FGF10: variants seen among roughly 807,000 people sequenced by gnomAD.
FGF10 encodes fibroblast growth factor 10, also known as FGF-10.
A neutral mutation model predicts 19.8 loss-of-function variants in FGF10; 2 were observed. The observed-to-expected ratio is 0.10, with a 90% CI of 0.04 to 0.32. The LOEUF (loss-of-function observed/expected upper bound fraction) is 0.32. Ranked by LOEUF, FGF10 falls within the 10% of genes least tolerant of loss-of-function variation. FGF10 has a pLI of 1.00. For synonymous variants in FGF10, 112 were observed against 94.0 expected, an observed-to-expected ratio of 1.19 and a Z score of -1.10; for missense variants, 191 against 246.3, an observed-to-expected ratio of 0.78 and a Z score of 1.50.
intron 1 of FGF10, among the ~76,000 whole-genome samples, chr5:44,327,752 C>A (rs1005052548): frequency 1.3e-5 from 2 of 152,300 alleles, no homozygotes; most frequent in Admixed American, 1.3e-4. Flanking sequence ...GGGAGGAGCA[C>A]AAATTCTTTT....
intron 1 of FGF10, among the ~76,000 whole-genome samples, chr5:44,378,308 G>T (rs1271835730): frequency 6.6e-6 from 1 of 152,148 alleles, no homozygotes; most frequent in Non-Finnish European, 1.5e-5. Context: ...GAGCATTTTG[G>T]ATTTGAGAAT....
chr5:44,325,159 G>A (rs1168621047), intron 1 of FGF10, among the ~76,000 whole-genome samples: 1 of 152,176 alleles, frequency 6.6e-6, no homozygotes, highest in African/African-American at 2.4e-5. Flanking sequence ...GGCCATCAGA[G>A]AAATGCAAAT....
chr5:44,327,269 T>C (rs983681644), intron 1 of FGF10, among the ~76,000 whole-genome samples: 1 of 152,160 alleles, frequency 6.6e-6, no homozygotes, highest in Admixed American at 6.5e-5. Context: ...CTACGAAACA[T>C]AAGAAGGATT....
At position 44,302,282 on chromosome 5, in the gene FGF10, G is replaced by GCTTC. The variant is rs56194673; in HGVS notation, c.*2709_*2712dup. Among the ~76,000 whole-genome samples, 11,779 of 121,960 alleles carry GCTTC rather than the reference G, an allele frequency of 0.097. 656 individuals are homozygous for GCTTC. Among genetic ancestry groups the GCTTC allele is most frequent in the African/African-American group, 0.15 (4,634 of 31,062 alleles). The allele number at this position is 121,960 out of a possible 152,430, so 80.0% of individuals were successfully genotyped here. ...TCTTTCCTTCCTTCCTTCTTTCCTT[G>GCTTC]CTTCCTTCCTTCCTTCCTTCCTTCC... On this transcript the variant is annotated 3_prime_UTR_variant, in exon 3 of 3. Coordinates refer to ENST00000264664, the MANE Select transcript of FGF10 (RefSeq NM_004465.2).
chr5:44,367,255 A>G (rs532775417), intron 1 of FGF10, among the ~76,000 whole-genome samples: 14 of 152,130 alleles, frequency 9.2e-5, no homozygotes, highest in Non-Finnish European at 2.1e-4. Flanking sequence ...TCAAAATAAA[A>G]GTGGTCAGGA....
rs544582035 is a variant in FGF10, at chr5:44,379,246, A to T, written c.325+9112T>A. Among the ~76,000 whole-genome samples the T allele has an allele frequency of 2.0e-5, 3 of 152,330 alleles. No individual in the cohort carries two copies. In the East Asian group the frequency reaches 5.8e-4, roughly 29 times the overall value. ...TTAACGTTTTTGACATTATCTGTGG[A>T]GAGTGTAAGCTCTATGAGAGCAGAA... On this transcript the variant is annotated intron_variant, in intron 1 of 2. Transcript: ENST00000264664.
Position 44,302,014 on chromosome 5 carries a change from C to T in FGF10, c.*2981G>A, listed in dbSNP as rs1739974816. ...AATGGACACATATTTGTGGCTGATGCACTTTAACTTTGTGGGCCTGGGACC... is the reference window on the plus strand; with the variant it reads ...AATGGACACATATTTGTGGCTGATGTACTTTAACTTTGTGGGCCTGGGACC... On this transcript the variant is annotated 3_prime_UTR_variant, in exon 3 of 3. Coordinates refer to ENST00000264664, the MANE Select transcript of FGF10 (RefSeq NM_004465.2). Among the ~76,000 whole-genome samples, 1 of 151,830 alleles carries T rather than the reference C, an allele frequency of 6.6e-6. No homozygotes were observed. Among genetic ancestry groups the T allele is most frequent in the African/African-American group, 2.4e-5 (1 of 41,374 alleles).
At chr5:44,380,697 C>T (rs1262502458) in intron 1 of FGF10, among the ~76,000 whole-genome samples, 1 of 152,104 alleles carries the variant, frequency 6.6e-6, no homozygotes, top group African/African-American at 2.4e-5. Flanking sequence ...TATAAGTGTT[C>T]AGGCTGGGTA....
At chr5:44,339,009 C>A (rs564560944) in intron 1 of FGF10, among the ~76,000 whole-genome samples, 31 of 152,266 alleles carry the variant, frequency 2.0e-4, no homozygotes, top group Non-Finnish European at 3.5e-4. Context: ...ATTTCCTGTT[C>A]ATTTAAGACC....
chr5:44,385,799 T>C (rs1453578460), intron 1 of FGF10, among the ~76,000 whole-genome samples: 2 of 152,186 alleles, frequency 1.3e-5, no homozygotes, highest in Non-Finnish European at 2.9e-5. Context: ...TGATACCATG[T>C]AGTTCAGCTG....
intron 1 of FGF10, among the ~76,000 whole-genome samples, chr5:44,313,550 C>A (rs901792418): frequency 2.6e-5 from 4 of 150,996 alleles, no homozygotes; most frequent in Non-Finnish European, 5.9e-5. Flanking sequence ...AAGTTTATGA[C>A]TCTACAATTA....
chr5:44,377,926 G>A (rs550830154), intron 1 of FGF10, among the ~76,000 whole-genome samples: 23 of 152,298 alleles, frequency 1.5e-4, no homozygotes, highest in South Asian at 4.1e-4. Context: ...TATCTTAGCC[G>A]TTGATGTAGG....
chr5:44,368,832 AT>A (rs199528089), intron 1 of FGF10, among the ~76,000 whole-genome samples: 11 of 151,298 alleles, frequency 7.3e-5, no homozygotes, highest in East Asian at 2.0e-4. Context: ...TGATTGGCTA[AT>A]TTTTTTTTAT....
chr5:44,378,022 A>G (rs1209188745), intron 1 of FGF10, among the ~76,000 whole-genome samples: 2 of 152,178 alleles, frequency 1.3e-5, no homozygotes, highest in Non-Finnish European at 2.9e-5. Flanking sequence ...ACACTTATTC[A>G]TACATAAGTA....
At chr5:44,375,254 G>A (rs1741827822) in intron 1 of FGF10, among the ~76,000 whole-genome samples, 1 of 152,204 alleles carries the variant, frequency 6.6e-6, no homozygotes, top group South Asian at 2.1e-4. Flanking sequence ...GAGGAAACTA[G>A]ATGGGTAAAC....
At chr5:44,364,155 G>T (rs567068102) in intron 1 of FGF10, among the ~76,000 whole-genome samples, 1 of 151,812 alleles carries the variant, frequency 6.6e-6, no homozygotes, top group Non-Finnish European at 1.5e-5. Context: ...AAAAGAAATA[G>T]CATTTCTTAC....
At chr5:44,341,068 T>C (rs981333920) in intron 1 of FGF10, among the ~76,000 whole-genome samples, 3 of 152,038 alleles carry the variant, frequency 2.0e-5, no homozygotes, top group Admixed American at 6.6e-5. Context: ...TCTTATTTTT[T>C]AGCATTTCTA....
chr5:44,381,268 G>A (rs1441854230), intron 1 of FGF10, among the ~76,000 whole-genome samples: 5 of 151,808 alleles, frequency 3.3e-5, no homozygotes, highest in South Asian at 2.1e-4. Flanking sequence ...ATGAGAAGAC[G>A]GTCCTGATGG....
chr5:44,384,289 T>C (rs1189716075), intron 1 of FGF10, among the ~76,000 whole-genome samples: 1 of 152,246 alleles, frequency 6.6e-6, no homozygotes, highest in Admixed American at 6.5e-5. Context: ...GTGAGATTGA[T>C]GTATGTGTAT....
Sources: allele counts gnomAD v4.1 joint callset (sites outside exome capture counted in the v4.1 genomes callset), GRCh38; gene constraint gnomAD v4.1.1; transcripts MANE v1.5; gene names NCBI Gene and HGNC (gene_info 2026-07-23, HGNC 2026-07-21).